Variants in OPN5 observed in about 807,000 individuals in gnomAD.
The protein encoded by OPN5 is opsin 5.
Under a neutral mutation model 41.7 loss-of-function variants are expected in OPN5, and 18 were observed. That is an observed-to-expected ratio of 0.43 (90% CI 0.30 to 0.64). The LOEUF (loss-of-function observed/expected upper bound fraction) is 0.64, where lower values mean the gene tolerates loss of function less well. OPN5 is among the 30% of genes least tolerant of loss of function. The pLI, the probability that OPN5 is intolerant of heterozygous loss-of-function variation, is 0.13. For synonymous variants in OPN5, 178 were observed against 164.3 expected (o/e 1.08, Z -0.64); for missense variants, 318 against 434.5 (o/e 0.73, Z 2.38).
downstream of OPN5, chr6:47,826,218 T>G (rs1202747518): frequency 6.6e-6 from 1 of 152,050 alleles, no homozygotes; most frequent in Non-Finnish European, 1.5e-5. Context: ...ATCCACCTCT[T>G]TCCTTCCCCA....
intron 6 of OPN5, among the ~76,000 whole-genome samples, chr6:47,813,349 T>C (rs140202551): frequency 2.6e-5 from 4 of 152,292 alleles, no homozygotes; most frequent in Admixed American, 1.3e-4. Flanking sequence ...ATAACAATAG[T>C]ATCACAGGGT....
intron 6 of OPN5, among the ~76,000 whole-genome samples, chr6:47,822,194 T>A (rs1762647405): frequency 6.6e-6 from 1 of 151,742 alleles, no homozygotes; most frequent in African/African-American, 2.4e-5. Context: ...TGAAGGATAG[T>A]TTTAAGAAGA....
intron 5 of OPN5, among the ~76,000 whole-genome samples, chr6:47,808,852 GCT>G (rs1037060717): frequency 6.6e-6 from 1 of 152,154 alleles, no homozygotes; most frequent in Non-Finnish European, 1.5e-5. Flanking sequence ...TGACATTTCT[GCT>G]CTGTGCCAGA....
chr6:47,788,225 C>A (rs1773252911), intron 2 of OPN5, among the ~76,000 whole-genome samples: 1 of 152,226 alleles, frequency 6.6e-6, no homozygotes, highest in Non-Finnish European at 1.5e-5. Context: ...TGTTGCCACG[C>A]GATGGCGCTG....
At chr6:47,818,842 G>A (rs745408863) in intron 6 of OPN5, among the ~76,000 whole-genome samples, 1 of 152,202 alleles carries the variant, frequency 6.6e-6, no homozygotes, top group Non-Finnish European at 1.5e-5. Context: ...ACAAGGGTTA[G>A]AGCAACTGGA....
chr6:47,808,314 A>G (rs1774054650), exon 5 of OPN5: 2 of 1,614,082 alleles, frequency 1.2e-6, no homozygotes, highest in Non-Finnish European at 1.7e-6. Context: ...CCCATCATTT[A>G]CCAAGTTATT....
chr6:47,805,202 C>A (rs1300161106), intron 4 of OPN5, among the ~76,000 whole-genome samples: 1 of 152,176 alleles, frequency 6.6e-6, no homozygotes, highest in Non-Finnish European at 1.5e-5. Context: ...ATAAAAATTT[C>A]TCCTGGGTAA....
intron 2 of OPN5, among the ~76,000 whole-genome samples, chr6:47,791,095 C>T (rs1173334131): frequency 5.9e-5 from 9 of 151,886 alleles, no homozygotes; most frequent in Admixed American, 5.9e-4. Flanking sequence ...TCTCTTTCTC[C>T]ATCTCTTCTT....
intron 6 of OPN5, among the ~76,000 whole-genome samples, chr6:47,820,283 C>T (rs1377595414): frequency 2.0e-5 from 3 of 152,200 alleles, no homozygotes; most frequent in Admixed American, 6.5e-5. Flanking sequence ...TTCTTTGTCC[C>T]CTATTAGGAA....
intron 1 of OPN5, among the ~76,000 whole-genome samples, chr6:47,785,981 G>A (rs560659845): frequency 7.9e-5 from 12 of 152,338 alleles, no homozygotes; most frequent in South Asian, 2.1e-4. Flanking sequence ...GTCCTGGGGC[G>A]TCTCTGGGAG....
rs763239962 is a variant in OPN5 at position 47,782,051 on chromosome 6, G to A, written c.-16G>A. ...TACTGGTTTGCTTTTCAGATCCCTC[G>A]TGGTTCGAGAACAGAATGGCGTTAA... is the stretch of plus-strand genomic sequence containing the variant. On this transcript the variant is annotated 5_prime_UTR_variant, in exon 1 of 7. It adds an upstream start codon to the 5' untranslated region. Coordinates refer to ENST00000371211, the Ensembl canonical transcript of OPN5. 6 of 1,610,664 alleles carry A rather than the reference G, an allele frequency of 3.7e-6. No homozygotes were observed. The Admixed American group carries it at 5.0e-5, about 13-fold the overall frequency.
downstream of OPN5, chr6:47,824,755 G>T (rs1425395277): frequency 6.6e-6 from 1 of 152,008 alleles, no homozygotes; most frequent in African/African-American, 2.4e-5. Flanking sequence ...CCTACTTAAA[G>T]CTCCTCGGGA....
intron 4 of OPN5, among the ~76,000 whole-genome samples, chr6:47,798,625 A>C (rs1773656324): frequency 6.6e-6 from 1 of 151,342 alleles, no homozygotes; most frequent in South Asian, 2.1e-4. Context: ...ATTTATATAA[A>C]TCTATATTAA....
chr6:47,808,408 A>T lies in OPN5; in HGVS notation c.998+13A>T. On this transcript the variant is annotated intron_variant, in intron 5 of 6. Transcript: ENST00000371211. Reference sequence around the variant, plus strand: ...TGGAAGGCTTCAGGTAAAACTTCAGAAGCTGGAAATGAATTACACTCTCTT... The same window carrying T: ...TGGAAGGCTTCAGGTAAAACTTCAGTAGCTGGAAATGAATTACACTCTCTT... 6.2e-7 allele frequency: 1 copy of T among 1,613,732 alleles called. No homozygotes were observed. Among genetic ancestry groups the T allele is most frequent in the South Asian group, 1.1e-5 (1 of 91,038 alleles).
At chr6:47,810,139 A>G (rs1047424121) in intron 5 of OPN5, among the ~76,000 whole-genome samples, 2 of 152,232 alleles carry the variant, frequency 1.3e-5, no homozygotes, top group African/African-American at 2.4e-5. Flanking sequence ...AGCCGTTTAT[A>G]CGAAATATAG....
At chr6:47,818,188 T>G (rs891695753) in intron 6 of OPN5, among the ~76,000 whole-genome samples, 1 of 152,098 alleles carries the variant, frequency 6.6e-6, no homozygotes, top group African/African-American at 2.4e-5. Flanking sequence ...ATGAACAAAA[T>G]CTAATTAGTT....
At chr6:47,816,717 TG>T (rs1391438033) in intron 6 of OPN5, among the ~76,000 whole-genome samples, 1 of 152,094 alleles carries the variant, frequency 6.6e-6, no homozygotes, top group Non-Finnish European at 1.5e-5. Flanking sequence ...GCAAATTACT[TG>T]ATCTCTCAGT....
At chr6:47,824,531 T>C (rs1171161614) in exon 7 of OPN5, 1 of 153,198 alleles carries the variant, frequency 6.5e-6, no homozygotes, top group Non-Finnish European at 1.5e-5. Context: ...CCTGATGCCT[T>C]TACAACAGCA....
intron 4 of OPN5, among the ~76,000 whole-genome samples, chr6:47,807,452 C>T (rs1774015109): frequency 1.3e-5 from 2 of 152,128 alleles, no homozygotes; most frequent in Admixed American, 6.6e-5. Context: ...TGGCAAGAGA[C>T]TTCTGAGGGT....
Sources: allele counts gnomAD v4.1 joint callset (sites outside exome capture counted in the v4.1 genomes callset), GRCh38; gene constraint gnomAD v4.1.1; transcripts MANE v1.5; gene names NCBI Gene and HGNC (gene_info 2026-07-23, HGNC 2026-07-21).